The following POU6F2 variants were observed in gnomAD, a reference collection of about 807,000 sequenced individuals.
POU6F2 encodes the protein POU class 6 homeobox 2.
Under a neutral mutation model 71.3 loss-of-function variants are expected in POU6F2, and 31 were observed. The observed-to-expected ratio is 0.43, with a 90% CI of 0.33 to 0.59. The LOEUF (loss-of-function observed/expected upper bound fraction) is 0.59, where lower values mean the gene tolerates loss of function less well. POU6F2 is among the 20% of genes least tolerant of loss of function. The pLI, the probability that POU6F2 is intolerant of heterozygous loss-of-function variation, is 0.04. For missense variants in POU6F2, 783 were observed against 856.8 expected (o/e 0.91, Z 1.07); for synonymous variants, 347 against 355.7 (o/e 0.98, Z 0.27).
At chr7:39,286,714 G>A (rs1344345786) in intron 4 of POU6F2, among the ~76,000 whole-genome samples, 1 of 152,114 alleles carries the variant, frequency 6.6e-6, no homozygotes, top group Non-Finnish European at 1.5e-5. Context: ...GTGTCCCAAG[G>A]ATGCAAATTA....
intron 2 of POU6F2, among the ~76,000 whole-genome samples, chr7:39,108,319 G>A (rs941187060): frequency 6.7e-6 from 1 of 149,758 alleles, no homozygotes; most frequent in Non-Finnish European, 1.5e-5. Flanking sequence ...CTCCTTTGAT[G>A]ATCCCAATTT....
At chr7:39,267,207 A>G (rs908885949) in intron 4 of POU6F2, among the ~76,000 whole-genome samples, 1 of 152,188 alleles carries the variant, frequency 6.6e-6, no homozygotes, top group Non-Finnish European at 1.5e-5. Context: ...GAGGCTGTGG[A>G]ATAGGAAAGA....
chr7:39,326,070 T>C (rs1451730542), intron 4 of POU6F2, among the ~76,000 whole-genome samples: 1 of 152,214 alleles, frequency 6.6e-6, no homozygotes, highest in African/African-American at 2.4e-5. Flanking sequence ...TGGATTGGCC[T>C]TCTAAGAAGT....
At chr7:39,026,184 C>G (rs1420682210) in intron 1 of POU6F2, among the ~76,000 whole-genome samples, 1 of 151,572 alleles carries the variant, frequency 6.6e-6, no homozygotes, top group Non-Finnish European at 1.5e-5. Flanking sequence ...TTGTGGAAGT[C>G]AGTGTGGCGA....
At chr7:39,125,539 AT>A (rs1374115455) in intron 2 of POU6F2, among the ~76,000 whole-genome samples, 1 of 151,668 alleles carries the variant, frequency 6.6e-6, no homozygotes, top group Non-Finnish European at 1.5e-5. Flanking sequence ...AATATATTAC[AT>A]TTTTTTCATA....
At chr7:39,425,283 G>A (rs1362771239) in intron 6 of POU6F2, among the ~76,000 whole-genome samples, 6 of 151,638 alleles carry the variant, frequency 4.0e-5, no homozygotes, top group Non-Finnish European at 7.4e-5. Context: ...GTTCAAGAGC[G>A]TGTTTGGGAG....
intron 1 of POU6F2, among the ~76,000 whole-genome samples, chr7:39,070,603 G>T (rs1377671909): frequency 1.3e-5 from 2 of 151,358 alleles, no homozygotes; most frequent in South Asian, 2.1e-4. Flanking sequence ...AGCCCCACCA[G>T]CCTCCTCTCC....
At chr7:39,340,622 AT>A in intron 5 of POU6F2, among the ~76,000 whole-genome samples, 1 of 152,214 alleles carries the variant, frequency 6.6e-6, no homozygotes, top group Non-Finnish European at 1.5e-5. Context: ...ATGCATCTTT[AT>A]AAAGGAATAA....
chr7:39,191,616 A>C (rs1306764632), intron 2 of POU6F2, among the ~76,000 whole-genome samples: 2 of 152,254 alleles, frequency 1.3e-5, no homozygotes, highest in African/African-American at 4.8e-5. Flanking sequence ...ATGGTGTTAA[A>C]ATAATGATAA....
chr7:39,433,620 C>T (rs760977682), intron 7 of POU6F2, among the ~76,000 whole-genome samples: 19 of 152,158 alleles, frequency 1.2e-4, no homozygotes, highest in Non-Finnish European at 2.5e-4. Flanking sequence ...AAACCAAGAA[C>T]ACTCATGCCT....
rs149863009 is a variant in POU6F2 at position 39,398,827 on chromosome 7, G to A, written c.973-7773G>A. Among the ~76,000 whole-genome samples the A allele has an allele frequency of 2.0e-3, 306 of 152,268 alleles. 1 individual carries two copies. The highest frequency in any genetic ancestry group is 7.1e-3 in the African/African-American group (296 of 41,544). On this transcript the variant is annotated intron_variant, in intron 5 of 9. Transcript: ENST00000518318. Reference sequence around the variant, plus strand: ...AAACTTATATGGGGCTTATTATATGGCAGGAGCTCTTCTAGTATTTTGCCT... The same window carrying A: ...AAACTTATATGGGGCTTATTATATGACAGGAGCTCTTCTAGTATTTTGCCT...
chr7:39,218,367 T>C (rs1054332339), intron 4 of POU6F2, among the ~76,000 whole-genome samples: 1 of 152,008 alleles, frequency 6.6e-6, no homozygotes, highest in African/African-American at 2.4e-5. Flanking sequence ...TTATTGAAAA[T>C]AAGAAAATCG....
intron 2 of POU6F2, among the ~76,000 whole-genome samples, chr7:39,146,357 G>A (rs1180402302): frequency 6.6e-6 from 1 of 152,182 alleles, no homozygotes; most frequent in African/African-American, 2.4e-5. Context: ...GCAGAGGGAG[G>A]CAGGGTGAGG....
chr7:39,446,379 A>T (rs1056803420), intron 7 of POU6F2, among the ~76,000 whole-genome samples: 2 of 152,226 alleles, frequency 1.3e-5, no homozygotes, highest in Admixed American at 6.5e-5. Flanking sequence ...TTCTGTTTAT[A>T]TGCATTCACT....
Position 39,166,045 on chromosome 7 carries a change from G to T in POU6F2, c.278-38190G>T, listed in dbSNP as rs376665996. Among the ~76,000 whole-genome samples, 4 of 152,284 alleles carry T rather than the reference G, an allele frequency of 2.6e-5. No individual in the cohort carries two copies. In the East Asian group the frequency reaches 7.7e-4, roughly 29 times the overall value. Reference sequence around the variant, plus strand: ...CCCTGTCATTGCACCTCACTACTCAGCAGCACAAATACCTGTTCATGTTCA... The same window carrying T: ...CCCTGTCATTGCACCTCACTACTCATCAGCACAAATACCTGTTCATGTTCA... On this transcript the variant is annotated intron_variant, in intron 2 of 9. Transcript: ENST00000518318.
chr7:39,273,681 G>GT (rs1168258591), intron 4 of POU6F2, among the ~76,000 whole-genome samples: 94 of 145,584 alleles, frequency 6.5e-4, no homozygotes, highest in Admixed American at 2.2e-3. Flanking sequence ...TTCTTGGTTT[G>GT]TTTTTTTTTT....
At chr7:39,209,677 G>A (rs1414378274) in intron 4 of POU6F2, among the ~76,000 whole-genome samples, 1 of 152,144 alleles carries the variant, frequency 6.6e-6, no homozygotes, top group African/African-American at 2.4e-5. Context: ...CACCTAAAGG[G>A]CAAAGCCAGT....
At chr7:39,258,121 A>T (rs1026265504) in intron 4 of POU6F2, among the ~76,000 whole-genome samples, 1 of 152,202 alleles carries the variant, frequency 6.6e-6, no homozygotes, top group Admixed American at 6.5e-5. Flanking sequence ...CTTAGCTCTC[A>T]TATCCTTGGG....
intron 4 of POU6F2, among the ~76,000 whole-genome samples, chr7:39,272,278 G>A (rs545090942): frequency 2.6e-5 from 4 of 152,162 alleles, no homozygotes; most frequent in Admixed American, 6.5e-5. Context: ...ACTGTAGAGA[G>A]ATAGAGACTC....
Sources: allele counts gnomAD v4.1 joint callset (sites outside exome capture counted in the v4.1 genomes callset), GRCh38; gene constraint gnomAD v4.1.1; transcripts MANE v1.5; gene names NCBI Gene and HGNC (gene_info 2026-07-23, HGNC 2026-07-21).